Variants in IFNAR2 observed in about 807,000 individuals in gnomAD.
IFNAR2 encodes interferon alpha and beta receptor subunit 2, also known as interferon alpha/beta receptor 2.
IFNAR2 carries 30 observed loss-of-function variants against 49.4 expected under a neutral mutation model. That is an observed-to-expected ratio of 0.61 (90% confidence interval 0.45 to 0.82). The LOEUF is 0.82. Ranked by LOEUF, IFNAR2 falls within the 40% of genes least tolerant of loss-of-function variation. The probability of loss-of-function intolerance (pLI) is 0.00; values close to 1 mark genes in which losing one functional copy is unlikely to be tolerated. For synonymous variants in IFNAR2, 224 were observed against 234.5 expected (o/e 0.96, Z 0.41); for missense variants, 600 against 622.7 (o/e 0.96, Z 0.39).
Position 33,262,864 on chromosome 21 carries a change from C to T in IFNAR2, c.912C>T (p.Val304=). Residue 304 remains valine, a synonymous_variant, in exon 9 of 9, where the codon GTC becomes GTT. Transcript: ENST00000342136. The part of the protein sequence containing the change: ...PPLEAMDMVE[V]IYINRKKKVW... The stretch of plus-strand genomic sequence containing the variant: ...TGGAAGCCATGGATATGGTGGAGGT[C>T]ATTTACATCAACAGAAAGAAGAAAG... 6.2e-7 allele frequency: 1 copy of T among 1,613,650 alleles called. No homozygotes were observed. The highest frequency in any genetic ancestry group is 2.2e-5 in the East Asian group (1 of 44,868).
intron 7 of IFNAR2, 150 bp downstream of exon 7, chr21:33,252,980 T>G (rs1002299107): frequency 1.4e-6 from 1 of 719,914 alleles, no homozygotes; most frequent in Admixed American, 2.1e-5. Context: ...TTCTGTTGGT[T>G]CGTGTGTATG....
chr21:33,253,996 C>A (rs1248336794), intron 7 of IFNAR2, among the ~76,000 whole-genome samples: 1 of 152,132 alleles, frequency 6.6e-6, no homozygotes. Flanking sequence ...CCCATTTTAC[C>A]CAGCTCAAGA....
At chr21:33,246,647 A>C in intron 4 of IFNAR2, 71 bp from the exon 5 acceptor site, 42 of 1,116,778 alleles carry the variant, frequency 3.8e-5, no homozygotes, top group Non-Finnish European at 5.2e-5. Context: ...CAATGAAGTA[A>C]GGCGCCCAAA....
At position 33,245,040 on chromosome 21, in the gene IFNAR2, C is replaced by T; in HGVS notation, c.187C>T (p.Pro63Ser). Residue 63 changes from proline to serine, a missense_variant, in exon 4 of 9, where the codon CCA becomes TCA. Physicochemically the swap from Pro to Ser is moderately conservative, Grantham distance 74. Coordinates refer to ENST00000342136, the MANE Select transcript of IFNAR2 (RefSeq NM_001289125.3). The stretch of plus-strand genomic sequence containing the variant: ...GGAATTAAAAAACCACTCCATTGTA[C>T]CAACTCACTATACATTGCTGTATAC... ...SWELKNHSIV[P>S]THYTLLYTIM... The T allele has an allele frequency of 6.2e-7, 1 of 1,610,320 alleles. No individual in the cohort carries two copies. The highest frequency in any genetic ancestry group is 1.1e-5 in the South Asian group (1 of 91,016).
intron 7 of IFNAR2, among the ~76,000 whole-genome samples, chr21:33,259,755 G>T (rs1988441933): frequency 6.6e-6 from 1 of 152,208 alleles, no homozygotes; most frequent in East Asian, 1.9e-4. Context: ...TCACACTCTT[G>T]ATGGAGGTGA....
chr21:33,263,738 A>T lies in IFNAR2; in HGVS notation c.*238A>T, dbSNP rs557678234. On this transcript the variant is annotated 3_prime_UTR_variant, in exon 9 of 9. Transcript: ENST00000342136. ...TGCACTTTGAAGGAAGCACATGTGC[A>T]CCTTTCCTTTACACTAATGCACTTA... 1.9e-6 allele frequency: 1 copy of T among 532,886 alleles called. No homozygotes were observed. The highest frequency in any genetic ancestry group is 2.3e-5 in the South Asian group (1 of 42,598). 33.0% of individuals were successfully genotyped at this position (532,886 alleles called of 1,614,324 possible).
In IFNAR2 at chr21:33,252,810, TTCC is replaced by T; in HGVS notation, c.690_692del (p.Pro232del). On this transcript the variant is annotated inframe_deletion, in exon 7 of 9. Transcript: ENST00000342136. ...AAGTCTCCCTTAAAATGCACCCTCC[TTCC>T]ACCTGGCCAGGAATCAGGTATGTTC... The T allele has an allele frequency of 6.2e-7, 1 of 1,613,790 alleles. No individual in the cohort carries two copies. Among genetic ancestry groups the T allele is most frequent in the Non-Finnish European group, 8.5e-7 (1 of 1,179,678 alleles).
chr21:33,255,690 A>C (rs758641749), intron 7 of IFNAR2, among the ~76,000 whole-genome samples: 1 of 152,064 alleles, frequency 6.6e-6, no homozygotes, highest in Non-Finnish European at 1.5e-5. Flanking sequence ...TTCATTATGT[A>C]TGTGTGATTG....
chr21:33,262,142 A>G (rs530721427), intron 8 of IFNAR2, among the ~76,000 whole-genome samples: 2 of 152,282 alleles, frequency 1.3e-5, no homozygotes, highest in Non-Finnish European at 2.9e-5. Context: ...CAAGGCAGGT[A>G]GATCACGAGG....
At chr21:33,244,714 A>C (rs1166147491) in intron 3 of IFNAR2, among the ~76,000 whole-genome samples, 4 of 152,210 alleles carry the variant, frequency 2.6e-5, no homozygotes, top group Non-Finnish European at 5.9e-5. Context: ...GACTCTCCTT[A>C]CACAGTGCAC....
chr21:33,241,551 T>G (rs1986925444), intron 1 of IFNAR2, among the ~76,000 whole-genome samples: 2 of 152,334 alleles, frequency 1.3e-5, no homozygotes, highest in Middle Eastern at 3.4e-3. Flanking sequence ...TATGTATTTG[T>G]TTTTGCTTAT....
intron 1 of IFNAR2, chr21:33,232,867 GC>G (rs1211207197): frequency 5.6e-6 from 2 of 358,742 alleles, no homozygotes; most frequent in Admixed American, 6.4e-5. Flanking sequence ...GTTTCACTCT[GC>G]CATATCAGTA....
intron 1 of IFNAR2, among the ~76,000 whole-genome samples, chr21:33,237,373 A>C (rs924871907): frequency 6.6e-6 from 1 of 151,976 alleles, no homozygotes; most frequent in Non-Finnish European, 1.5e-5. Context: ...CTCTAAAAAA[A>C]AAAATACAAA....
chr21:33,254,823 C>A (rs948046959), intron 7 of IFNAR2, among the ~76,000 whole-genome samples: 3 of 152,158 alleles, frequency 2.0e-5, no homozygotes, highest in Non-Finnish European at 4.4e-5. Flanking sequence ...CCAAGCTGCA[C>A]CCTGACCAAG....
chr21:33,263,814 G>T lies in IFNAR2; in HGVS notation c.*314G>T. 1 of 304,930 alleles carries T rather than the reference G, an allele frequency of 3.3e-6. No individual in the cohort carries two copies. The highest frequency in any genetic ancestry group is 6.1e-6 in the Non-Finnish European group (1 of 162,754). The allele number at this position is 304,930 out of a possible 1,614,324, so 18.9% of individuals were successfully genotyped here. On this transcript the variant is annotated 3_prime_UTR_variant, in exon 9 of 9. Coordinates refer to ENST00000342136, the MANE Select transcript of IFNAR2 (RefSeq NM_001289125.3). Reference sequence around the variant, plus strand: ...GGGAGCAGGGTTCCCCACAGTTTCAGAGGTGGTCCAGGACCCTATGATATT... The same window carrying T: ...GGGAGCAGGGTTCCCCACAGTTTCATAGGTGGTCCAGGACCCTATGATATT...
At position 33,263,560 on chromosome 21, in the gene IFNAR2, A is replaced by G; in HGVS notation, c.*60A>G. On this transcript the variant is annotated 3_prime_UTR_variant, in exon 9 of 9. Transcript: ENST00000342136. ...CACCTACAGGGTTCTTTGTCTCTGCATCCTAACTTGCTGCCTTATCGTCTG... is the reference window on the plus strand; with the variant it reads ...CACCTACAGGGTTCTTTGTCTCTGCGTCCTAACTTGCTGCCTTATCGTCTG... The G allele has an allele frequency of 6.7e-7, 1 of 1,486,910 alleles. No homozygotes were observed. Among genetic ancestry groups the G allele is most frequent in the Non-Finnish European group, 9.0e-7 (1 of 1,113,254 alleles). 92.1% of individuals were successfully genotyped at this position (1,486,910 alleles called of 1,614,324 possible).
In IFNAR2 at chr21:33,230,134, C is replaced by T; in HGVS notation, c.-166C>T. ...GGCCGCCCGCGAGGCGCATCCTGAC[C>T]GCGAGCGTCGGGTCCCAGAGCCGGG... On this transcript the variant is annotated 5_prime_UTR_variant, in exon 1 of 9. Coordinates refer to ENST00000342136, the MANE Select transcript of IFNAR2 (RefSeq NM_001289125.3). The surrounding 1 kb of genome is among the most constrained non-coding windows in gnomAD (Gnocchi z 5.5). 1.0e-6 allele frequency: 1 copy of T among 993,540 alleles called. No homozygotes were observed. The highest frequency in any genetic ancestry group is 1.2e-6 in the Non-Finnish European group (1 of 834,104). The allele number at this position is 993,540 out of a possible 1,614,324, so 61.5% of individuals were successfully genotyped here.
intron 1 of IFNAR2, among the ~76,000 whole-genome samples, chr21:33,240,672 G>A (rs543638190): frequency 2.4e-4 from 36 of 152,004 alleles, no homozygotes; most frequent in South Asian, 8.3e-4. Context: ...TTAATTAGCC[G>A]GTGTGTGATG....
chr21:33,241,128 C>T (rs1986890051), intron 1 of IFNAR2, among the ~76,000 whole-genome samples: 1 of 152,108 alleles, frequency 6.6e-6, no homozygotes, highest in Admixed American at 6.6e-5. Flanking sequence ...ACACTAAAAG[C>T]CCAAATTTCA....
Sources: gnomAD v4.1 joint callset for allele counts (sites outside exome capture counted in the v4.1 genomes callset) on GRCh38, gnomAD v4.1.1 for gene constraint, Gnocchi (gnomAD v3.1) non-coding constraint, MANE v1.5 for transcripts, NCBI Gene and HGNC (gene_info 2026-07-23, HGNC 2026-07-21) for gene names.